The following EPC2 variants were observed in gnomAD, a reference collection of about 807,000 sequenced individuals.
EPC2 encodes enhancer of polycomb 2, also known as enhancer of polycomb homolog 2.
Under a neutral mutation model 92.1 loss-of-function variants are expected in EPC2, and 14 were observed. The observed-to-expected ratio is 0.15, with a 90% CI of 0.10 to 0.24. EPC2 has a LOEUF of 0.24. Ranked by LOEUF, EPC2 falls within the 10% of genes least tolerant of loss-of-function variation. The pLI is 1.00. For synonymous variants in EPC2, 340 were observed against 334.7 expected (o/e 1.02, Z -0.17); for missense variants, 755 against 971.5 (o/e 0.78, Z 2.96).
chr2:148,779,356 A>C (rs116788900), intron 10 of EPC2, among the ~76,000 whole-genome samples: 2,142 of 152,274 alleles, frequency 0.014, 53 homozygotes, highest in African/African-American at 0.049. Context: ...CTGAGGCAGG[A>C]AGATCATTTG....
At chr2:148,676,518 CAG>C (rs1056594065) in intron 1 of EPC2, among the ~76,000 whole-genome samples, 12 of 151,926 alleles carry the variant, frequency 7.9e-5, no homozygotes, top group Middle Eastern at 3.4e-3. Context: ...AGAGGGCACA[CAG>C]AAAAAAATAA....
rs137896502 is a variant in EPC2, at chr2:148,706,783, A to C, written c.313+16410A>C. On this transcript the variant is annotated intron_variant, in intron 2 of 13. Coordinates refer to ENST00000258484, the MANE Select transcript of EPC2 (RefSeq NM_015630.4). ...GTGAAGGAGAAATAAAATCATTTAT[A>C]GACAAACAAATGCTGAGAGATTTTT... Among the ~76,000 whole-genome samples, 97 of 152,360 alleles carry C rather than the reference A, an allele frequency of 6.4e-4. No homozygotes were observed. The East Asian group carries it at 0.018, about 28-fold the overall frequency.
intron 2 of EPC2, among the ~76,000 whole-genome samples, chr2:148,702,624 A>T (rs536613294): frequency 6.6e-6 from 1 of 152,314 alleles, no homozygotes; most frequent in South Asian, 2.1e-4. Context: ...GAGAACTGTT[A>T]TATAGAAGAT....
intron 1 of EPC2, among the ~76,000 whole-genome samples, chr2:148,661,274 T>G (rs1680927470): frequency 6.6e-6 from 1 of 152,122 alleles, no homozygotes; most frequent in African/African-American, 2.4e-5. Context: ...TTTGTTGAGC[T>G]TATGCCTAGG....
At chr2:148,767,445 G>A (rs976983552) in intron 7 of EPC2, among the ~76,000 whole-genome samples, 1 of 151,836 alleles carries the variant, frequency 6.6e-6, no homozygotes, top group African/African-American at 2.4e-5. Context: ...GTTTGTATTA[G>A]GTCTTAGACA....
chr2:148,647,429 T>G (rs968786779), intron 1 of EPC2, among the ~76,000 whole-genome samples: 46 of 151,686 alleles, frequency 3.0e-4, no homozygotes, highest in African/African-American at 8.2e-4. Flanking sequence ...TGCCTCAGCC[T>G]CCCGAGCAGC....
intron 1 of EPC2, among the ~76,000 whole-genome samples, chr2:148,675,988 C>T (rs1681254308): frequency 6.6e-6 from 1 of 152,154 alleles, no homozygotes; most frequent in African/African-American, 2.4e-5. Context: ...ATTCAAATTT[C>T]ATTCTTGCTG....
chr2:148,654,600 G>A (rs920323221), intron 1 of EPC2, among the ~76,000 whole-genome samples: 1 of 152,186 alleles, frequency 6.6e-6, no homozygotes, highest in Non-Finnish European at 1.5e-5. Context: ...CAAGGCTGCA[G>A]TGAACTGTGA....
Position 148,704,972 on chromosome 2 carries a change from G to A in EPC2, c.313+14599G>A, listed in dbSNP as rs375708880. On this transcript the variant is annotated intron_variant, in intron 2 of 13. Coordinates refer to ENST00000258484, the MANE Select transcript of EPC2 (RefSeq NM_015630.4). ...TTAAGGCAAAGGAATGAATAGTACG[G>A]GGAACCCAATGTATCTGTCAGCAAA... Among the ~76,000 whole-genome samples, 18 of 151,362 alleles carry A rather than the reference G, an allele frequency of 1.2e-4. No homozygotes were observed. The East Asian group carries it at 2.9e-3, about 25-fold the overall frequency.
intron 2 of EPC2, among the ~76,000 whole-genome samples, chr2:148,742,306 CAT>C (rs1346491953): frequency 5.9e-5 from 9 of 152,216 alleles, no homozygotes; most frequent in African/African-American, 1.9e-4. Context: ...TGCCTACACA[CAT>C]GGTTTGAAAG....
In EPC2 at chr2:148,651,852, AG is replaced by A. The variant is rs1255212127; in HGVS notation, c.153+6684del. On this transcript the variant is annotated intron_variant, in intron 1 of 13. Coordinates refer to ENST00000258484, the MANE Select transcript of EPC2 (RefSeq NM_015630.4). ...ATAGGTGTTACTACTTCTTTTTCAG[AG>A]GAAGAAACTGAAACTTTAGAAATTA... 2.0e-5 allele frequency among the ~76,000 whole-genome samples: 3 copies of A among 152,288 alleles called. No homozygotes were observed. In the East Asian group the frequency reaches 5.8e-4, roughly 29 times the overall value.
At chr2:148,662,826 A>AAC (rs1680967052) in intron 1 of EPC2, among the ~76,000 whole-genome samples, 1 of 130,980 alleles carries the variant, frequency 7.6e-6, no homozygotes, top group Non-Finnish European at 1.7e-5. Flanking sequence ...ATAATAATAA[A>AAC]ATTTTTTTAA....
chr2:148,649,040 C>G (rs74641236), intron 1 of EPC2, among the ~76,000 whole-genome samples: 1 of 152,216 alleles, frequency 6.6e-6, no homozygotes, highest in Admixed American at 6.5e-5. Context: ...CCAGAAAGAT[C>G]AGGCAGCCAG....
rs571749445 is a variant in EPC2 at position 148,712,255 on chromosome 2, G to A, written c.313+21882G>A. On this transcript the variant is annotated intron_variant, in intron 2 of 13. Transcript: ENST00000258484. The stretch of plus-strand genomic sequence containing the variant: ...TTTGTGTGTGTGGGGGTGTGTGTGT[G>A]TGTGTGTGTTTGCCCTAGAATTTAC... Among the ~76,000 whole-genome samples, 57 of 152,116 alleles carry A rather than the reference G, an allele frequency of 3.7e-4. 1 individual carries two copies. In the South Asian group the frequency reaches 0.012, roughly 32 times the overall value.
chr2:148,689,748 A>T (rs1364728363), intron 1 of EPC2, among the ~76,000 whole-genome samples: 1 of 152,210 alleles, frequency 6.6e-6, no homozygotes, highest in East Asian at 1.9e-4. Context: ...GTAGTAATAA[A>T]ACTTGTTGAA....
intron 2 of EPC2, among the ~76,000 whole-genome samples, chr2:148,695,208 T>A (rs963830721): frequency 6.6e-6 from 1 of 152,212 alleles, no homozygotes; most frequent in African/African-American, 2.4e-5. Flanking sequence ...ATTCCCTTAG[T>A]CTTACAAACA....
At chr2:148,749,619 T>C (rs1304177249) in intron 3 of EPC2, among the ~76,000 whole-genome samples, 2 of 152,100 alleles carry the variant, frequency 1.3e-5, no homozygotes, top group East Asian at 3.9e-4. Flanking sequence ...AGTACATTTT[T>C]ACATGGGAGA....
chr2:148,785,573 G>A (rs1022196788), intron 13 of EPC2, among the ~76,000 whole-genome samples: 2 of 152,118 alleles, frequency 1.3e-5, no homozygotes, highest in Non-Finnish European at 2.9e-5. Flanking sequence ...TGATCCACCC[G>A]CCTCAGCCTC....
At chr2:148,739,333 A>G (rs914551926) in intron 2 of EPC2, among the ~76,000 whole-genome samples, 1 of 152,154 alleles carries the variant, frequency 6.6e-6, no homozygotes, top group South Asian at 2.1e-4. Context: ...CTCATTTTAT[A>G]CCATGCTTGG....
Sources: allele counts gnomAD v4.1 joint callset (sites outside exome capture counted in the v4.1 genomes callset), GRCh38; gene constraint gnomAD v4.1.1; transcripts MANE v1.5; gene names NCBI Gene and HGNC (gene_info 2026-07-23, HGNC 2026-07-21).